CD200R1: variants seen among roughly 807,000 people sequenced by gnomAD.
The protein encoded by CD200R1 is CD200 receptor 1.
In CD200R1, 30 loss-of-function variants were observed where a neutral mutation model predicts 38.1. That is an observed-to-expected ratio of 0.79 (90% CI 0.59 to 1.07). The LOEUF (loss-of-function observed/expected upper bound fraction) is 1.07, where lower values mean the gene tolerates loss of function less well. Ranked by LOEUF, CD200R1 falls within the 50% of genes least tolerant of loss-of-function variation. CD200R1 has a pLI of 0.00. For synonymous variants in CD200R1, 128 were observed against 152.1 expected, an observed-to-expected ratio of 0.84 and a Z score of 1.16; for missense variants, 372 against 415.4, an observed-to-expected ratio of 0.90 and a Z score of 0.91.
intron 1 of CD200R1, among the ~76,000 whole-genome samples, chr3:112,963,700 G>A (rs1315127038): frequency 6.6e-6 from 1 of 151,958 alleles, no homozygotes; most frequent in African/African-American, 2.4e-5. Flanking sequence ...CAGCCTGACA[G>A]TGTCATAGAA....
At chr3:112,949,701 A>T (rs141517290) in intron 1 of CD200R1, among the ~76,000 whole-genome samples, 1,550 of 152,310 alleles carry the variant, frequency 0.01, 21 homozygotes, top group South Asian at 0.031. Context: ...ATTAACCCAA[A>T]CTGAAGTGAG....
intron 2 of CD200R1, among the ~76,000 whole-genome samples, chr3:112,937,332 T>A (rs1467475541): frequency 1.3e-5 from 2 of 152,118 alleles, no homozygotes; most frequent in Non-Finnish European, 2.9e-5. Context: ...TTATAGAAAC[T>A]ACATTTCAAG....
intron 1 of CD200R1, among the ~76,000 whole-genome samples, chr3:112,951,329 G>A (rs1406933615): frequency 6.6e-6 from 1 of 151,936 alleles, no homozygotes; most frequent in Admixed American, 6.5e-5. Context: ...AAACTGAAAA[G>A]CCTTATATCT....
At chr3:112,927,680 G>C (rs1219864387) in intron 5 of CD200R1, among the ~76,000 whole-genome samples, 1 of 152,184 alleles carries the variant, frequency 6.6e-6, no homozygotes, top group Non-Finnish European at 1.5e-5. Flanking sequence ...AGCAGATCTA[G>C]AGGCCAATCA....
At chr3:112,952,781 T>TATA (rs1003992240) in intron 1 of CD200R1, among the ~76,000 whole-genome samples, 3 of 151,800 alleles carry the variant, frequency 2.0e-5, no homozygotes, top group Admixed American at 6.6e-5. Context: ...AAACTTAAAG[T>TATA]ATAATAATAA....
chr3:112,955,577 C>T (rs1339462951), intron 1 of CD200R1, among the ~76,000 whole-genome samples: 18 of 149,528 alleles, frequency 1.2e-4, no homozygotes, highest in East Asian at 4.0e-4. Context: ...GGCATGATCT[C>T]GGCTCACTGC....
chr3:112,964,333 G>T (rs1008967203), intron 1 of CD200R1, among the ~76,000 whole-genome samples: 2 of 152,168 alleles, frequency 1.3e-5, no homozygotes, highest in African/African-American at 4.8e-5. Flanking sequence ...CCCTGTAAAG[G>T]TCACAGACAC....
At chr3:112,971,499 A>G (rs528893564) in intron 1 of CD200R1, among the ~76,000 whole-genome samples, 9 of 152,210 alleles carry the variant, frequency 5.9e-5, no homozygotes, top group African/African-American at 2.2e-4. Context: ...AGTCACATAT[A>G]TACCTCAGCG....
In CD200R1 at chr3:112,949,697, C is replaced by T. The variant is rs946968589; in HGVS notation, c.68-1773G>A. On this transcript the variant is annotated intron_variant, in intron 1 of 7. Transcript: ENST00000308611. ...GGATAGATACACAACCCAAATTAAC[C>T]CAAACTGAAGTGAGTTTAAGCCATG... Among the ~76,000 whole-genome samples the T allele has an allele frequency of 3.3e-5, 5 of 152,120 alleles. No homozygotes were observed. In the South Asian group the frequency reaches 1.0e-3, roughly 32 times the overall value.
At chr3:112,972,229 A>G (rs1372702838) in intron 1 of CD200R1, among the ~76,000 whole-genome samples, 2 of 152,208 alleles carry the variant, frequency 1.3e-5, no homozygotes, top group African/African-American at 4.8e-5. Context: ...GGAAGATAGG[A>G]CTAAAGTTAT....
chr3:112,973,637 T>C (rs1417807346), intron 1 of CD200R1, among the ~76,000 whole-genome samples: 1 of 152,234 alleles, frequency 6.6e-6, no homozygotes, highest in Admixed American at 6.5e-5. Flanking sequence ...GTAGTTATTT[T>C]GCATGTGTTC....
intron 2 of CD200R1, among the ~76,000 whole-genome samples, chr3:112,934,452 A>G (rs1940529388): frequency 6.6e-6 from 1 of 152,222 alleles, no homozygotes; most frequent in African/African-American, 2.4e-5. Flanking sequence ...TGACAGATGT[A>G]AGTTCTCATC....
chr3:112,962,541 T>A (rs1387512461), intron 1 of CD200R1, among the ~76,000 whole-genome samples: 1 of 152,190 alleles, frequency 6.6e-6, no homozygotes, highest in Admixed American at 6.5e-5. Flanking sequence ...TAAATTGTCA[T>A]TTTTGAATGC....
At chr3:112,969,334 G>C (rs1465112606) in intron 1 of CD200R1, among the ~76,000 whole-genome samples, 5 of 151,196 alleles carry the variant, frequency 3.3e-5, no homozygotes, top group Non-Finnish European at 5.9e-5. Context: ...TAAGAACTAA[G>C]AGAACTCCTC....
At chr3:112,970,017 C>CA (rs200119282) in intron 1 of CD200R1, among the ~76,000 whole-genome samples, 245 of 145,074 alleles carry the variant, frequency 1.7e-3, no homozygotes, top group Admixed American at 4.5e-3. Context: ...ACAAAAAATA[C>CA]AAAAAAAAAA....
rs1318013267 is a variant in CD200R1 at position 112,922,809 on chromosome 3, T to G, written c.*868A>C. 1 of 151,902 alleles carries G rather than the reference T, an allele frequency of 6.6e-6. No individual in the cohort carries two copies. Among genetic ancestry groups the G allele is most frequent in the East Asian group, 1.9e-4 (1 of 5,184 alleles). 9.4% of individuals were successfully genotyped at this position (151,902 alleles called of 1,614,324 possible). ...AGCAGGAATAGTACAGTTATTAAAA[T>G]AGAAATTTAGGGAAAGGCACATTTA... On this transcript the variant is annotated 3_prime_UTR_variant, in exon 8 of 8. Transcript: ENST00000308611.
chr3:112,974,073 C>G lies in CD200R1; in HGVS notation c.67+718G>C, dbSNP rs538241970. Among the ~76,000 whole-genome samples, 9 of 152,242 alleles carry G rather than the reference C, an allele frequency of 5.9e-5. No individual in the cohort carries two copies. The South Asian group carries it at 1.9e-3, about 32-fold the overall frequency. ...ATCGAAAGTGACAGAAAGCAATAAACTGTCCTAATCTATGCCACTGGCAAT... is the reference window on the plus strand; with the variant it reads ...ATCGAAAGTGACAGAAAGCAATAAAGTGTCCTAATCTATGCCACTGGCAAT... On this transcript the variant is annotated intron_variant, in intron 1 of 7. Transcript: ENST00000308611.
Position 112,923,780 on chromosome 3 carries a change from G to C in CD200R1, c.944C>G (p.Ala315Gly). The C allele has an allele frequency of 6.3e-7, 1 of 1,588,838 alleles. No individual in the cohort carries two copies. The highest frequency in any genetic ancestry group is 8.6e-7 in the Non-Finnish European group (1 of 1,168,874). The change falls in exon 8 of 8, where the codon GCC (alanine) becomes GGC (glycine). Residue 315 changes from alanine to glycine, a missense_variant. By Grantham distance (60) the Ala-to-Gly change is moderately conservative. Transcript: ENST00000308611. ...AGGATTGTTCTTCTCTGTGTAGCTG[G>C]CATAGGGCTGCATTTCATCCTAAGA... is the stretch of plus-strand genomic sequence containing the variant. The part of the protein sequence containing the change: ...VVEEDEMQPY[A>G]SYTEKNNPLY...
chr3:112,923,942 A>G, intron 7 of CD200R1, 143 bp from the exon 8 acceptor site: 1 of 551,444 alleles, frequency 1.8e-6, no homozygotes, highest in East Asian at 3.2e-5. Flanking sequence ...CTATATAAAC[A>G]TAAGAGCAGG....
Sources: allele counts gnomAD v4.1 joint callset (sites outside exome capture counted in the v4.1 genomes callset), GRCh38; gene constraint gnomAD v4.1.1; transcripts MANE v1.5; gene names NCBI Gene and HGNC (gene_info 2026-07-23, HGNC 2026-07-21).